Variants in TMEM38B observed in about 807,000 individuals in gnomAD.
TMEM38B encodes the protein transmembrane protein 38B.
Under a neutral mutation model 28.7 loss-of-function variants are expected in TMEM38B, and 24 were observed. That is an observed-to-expected ratio of 0.84 (90% CI 0.61 to 1.18). The LOEUF (loss-of-function observed/expected upper bound fraction) is 1.18, where lower values mean the gene tolerates loss of function less well. TMEM38B is among the 50% of genes most tolerant of loss of function. The pLI, the probability that TMEM38B is intolerant of heterozygous loss-of-function variation, is 0.00. For missense variants in TMEM38B, 380 were observed against 350.9 expected (o/e 1.08, Z -0.66); for synonymous variants, 131 against 127.7 (o/e 1.03, Z -0.17).
At chr9:105,717,944 T>C (rs1473751474) in intron 2 of TMEM38B, among the ~76,000 whole-genome samples, 2 of 152,168 alleles carry the variant, frequency 1.3e-5, no homozygotes, top group South Asian at 2.1e-4. Context: ...GTAGGTATTA[T>C]TTTATTCAAT....
intron 5 of TMEM38B, among the ~76,000 whole-genome samples, chr9:105,766,023 A>C (rs1826360499): frequency 6.6e-6 from 1 of 152,056 alleles, no homozygotes; most frequent in African/African-American, 2.4e-5. Context: ...GAATTGTCTC[A>C]ATCTCCTGAC....
chr9:105,695,090 C>T (rs1835239834), intron 1 of TMEM38B, among the ~76,000 whole-genome samples: 1 of 149,560 alleles, frequency 6.7e-6, no homozygotes, highest in Non-Finnish European at 1.5e-5. Context: ...CAGAAGCTGC[C>T]GCAGCGTTTC....
intron 1 of TMEM38B, among the ~76,000 whole-genome samples, chr9:105,704,010 C>T (rs1349561956): frequency 2.0e-5 from 3 of 147,392 alleles, no homozygotes; most frequent in Admixed American, 1.4e-4. Context: ...CATATTCTCA[C>T]TCATAGGTGG....
intron 4 of TMEM38B, among the ~76,000 whole-genome samples, chr9:105,737,336 G>T (rs991173953): frequency 1.2e-4 from 17 of 137,928 alleles, no homozygotes; most frequent in Admixed American, 6.9e-4. Context: ...GGCCTGAGTC[G>T]CAGGGAGTAA....
chr9:105,768,199 C>T (rs1310991570), intron 5 of TMEM38B, among the ~76,000 whole-genome samples: 6 of 151,984 alleles, frequency 3.9e-5, no homozygotes, highest in Non-Finnish European at 7.4e-5. Flanking sequence ...TAGGGGTTTT[C>T]TCTTATATTC....
intron 4 of TMEM38B, among the ~76,000 whole-genome samples, chr9:105,729,322 A>G (rs1309835031): frequency 6.6e-6 from 1 of 152,308 alleles, no homozygotes; most frequent in South Asian, 2.1e-4. Flanking sequence ...TCCCAGCACC[A>G]TTTATTAAAT....
chr9:105,748,091 G>T lies in TMEM38B; in HGVS notation c.561G>T (p.Leu187=), dbSNP rs1214020841. The change falls in exon 5 of 6, where the codon CTG becomes CTT. Residue 187 remains leucine (L), a synonymous_variant. Coordinates refer to ENST00000374692, the MANE Select transcript of TMEM38B (RefSeq NM_018112.3). Reference sequence around the variant, plus strand: ...TTTTCAGCCCTGCCAAGGTAACCCTGCTGGGGTCAGTTATCTTCACATTCC... The same window carrying T: ...TTTTCAGCCCTGCCAAGGTAACCCTTCTGGGGTCAGTTATCTTCACATTCC... ...LKMSYPAKVT[L]LGSVIFTFQH... is the part of the protein sequence containing the mutation. 4.3e-6 allele frequency: 7 copies of T among 1,613,222 alleles called. No homozygotes were observed. In the Middle Eastern group the frequency reaches 6.6e-4, roughly 153 times the overall value.
At chr9:105,744,976 C>G (rs1205954216) in intron 4 of TMEM38B, among the ~76,000 whole-genome samples, 4 of 152,150 alleles carry the variant, frequency 2.6e-5, no homozygotes, top group African/African-American at 9.7e-5. Flanking sequence ...TTTTCTTAAT[C>G]CAGTCTATCA....
chr9:105,756,759 T>C (rs1837846732), intron 5 of TMEM38B, among the ~76,000 whole-genome samples: 1 of 152,182 alleles, frequency 6.6e-6, no homozygotes, highest in Non-Finnish European at 1.5e-5. Flanking sequence ...GAACATCTCT[T>C]ATAATATTTC....
intron 5 of TMEM38B, among the ~76,000 whole-genome samples, chr9:105,750,061 G>T (rs995481110): frequency 6.6e-6 from 1 of 152,130 alleles, no homozygotes; most frequent in Non-Finnish European, 1.5e-5. Flanking sequence ...CACCCTAGTG[G>T]GTGTGAAGTG....
At chr9:105,771,290 C>G (rs1005928638) in intron 5 of TMEM38B, among the ~76,000 whole-genome samples, 1 of 152,092 alleles carries the variant, frequency 6.6e-6, no homozygotes, top group Non-Finnish European at 1.5e-5. Context: ...ACATTTGTCA[C>G]CTTGTTAAAT....
In TMEM38B at chr9:105,748,060, GTTTTA is replaced by G. The variant is rs1837494577; in HGVS notation, c.543-8_543-4del. On this transcript the variant is annotated splice_region_variant and splice_polypyrimidine_tract_variant and intron_variant, in intron 4 of 5. Coordinates refer to ENST00000374692, the MANE Select transcript of TMEM38B (RefSeq NM_018112.3). ...TTTATTACTTGCTGATTTAAAATGT[GTTTTA>G]TTTTCAGCCCTGCCAAGGTAACCCT... The G allele has an allele frequency of 6.4e-7, 1 of 1,568,688 alleles. No individual in the cohort carries two copies. The highest frequency in any genetic ancestry group is 1.7e-5 in the Admixed American group (1 of 59,242).
At chr9:105,722,067 C>G (rs1836338695) in intron 3 of TMEM38B, among the ~76,000 whole-genome samples, 1 of 151,910 alleles carries the variant, frequency 6.6e-6, no homozygotes. Context: ...AAAAATATTG[C>G]TCTGTCTTTT....
At chr9:105,707,089 TC>T (rs1835700260) in intron 2 of TMEM38B, among the ~76,000 whole-genome samples, 1 of 152,194 alleles carries the variant, frequency 6.6e-6, no homozygotes. Flanking sequence ...GTCTTATGTA[TC>T]TTTAATAGAA....
chr9:105,758,754 T>A, intron 5 of TMEM38B: 1 of 744,624 alleles, frequency 1.3e-6, no homozygotes, highest in Admixed American at 2.3e-5. Flanking sequence ...ATGAAACTTA[T>A]CTCATAGAAC....
At chr9:105,752,357 G>T (rs1351861865) in intron 5 of TMEM38B, among the ~76,000 whole-genome samples, 1 of 152,200 alleles carries the variant, frequency 6.6e-6, no homozygotes, top group African/African-American at 2.4e-5. Flanking sequence ...CCCTGATCCT[G>T]TTCCTCCTGA....
chr9:105,770,137 A>G (rs1426621627), intron 5 of TMEM38B, among the ~76,000 whole-genome samples: 1 of 152,194 alleles, frequency 6.6e-6, no homozygotes, highest in Non-Finnish European at 1.5e-5. Context: ...GTATTATTGA[A>G]CACATGAATG....
chr9:105,712,801 AC>A (rs1464631995), intron 2 of TMEM38B, among the ~76,000 whole-genome samples: 1 of 152,208 alleles, frequency 6.6e-6, no homozygotes, highest in East Asian at 1.9e-4. Flanking sequence ...GAGAAGGCGG[AC>A]AGCCCCACAC....
At position 105,774,864 on chromosome 9, in the gene TMEM38B, G is replaced by A. The variant is rs575629543; in HGVS notation, c.*784G>A. The A allele has an allele frequency of 1.3e-3, 201 of 151,968 alleles. No individual in the cohort carries two copies. Among genetic ancestry groups the A allele is most frequent in the African/African-American group, 4.6e-3 (191 of 41,506 alleles). The allele number at this position is 151,968 out of a possible 1,614,324, so 9.4% of individuals were successfully genotyped here. On this transcript the variant is annotated 3_prime_UTR_variant, in exon 6 of 6. Coordinates refer to ENST00000374692, the MANE Select transcript of TMEM38B (RefSeq NM_018112.3). ...ATGTTTTGTAATTTTCATTTTAGGA[G>A]CTTGACTTATTTTTTTCTCTCTCAT... is the stretch of plus-strand genomic sequence containing the variant.
Sources: gnomAD v4.1 joint callset for allele counts (sites outside exome capture counted in the v4.1 genomes callset) on GRCh38, gnomAD v4.1.1 for gene constraint, MANE v1.5 for transcripts, NCBI Gene and HGNC (gene_info 2026-07-23, HGNC 2026-07-21) for gene names.